Variants in CHEK1 observed in about 807,000 individuals in gnomAD.
CHEK1 encodes the protein checkpoint kinase 1.
In CHEK1, 32 loss-of-function variants were observed where a neutral mutation model predicts 60.2. The observed-to-expected ratio is 0.53, with a 90% CI of 0.40 to 0.71. The LOEUF is 0.71. Ranked by LOEUF, CHEK1 falls within the 30% of genes least tolerant of loss-of-function variation. The pLI, the probability that CHEK1 is intolerant of heterozygous loss-of-function variation, is 0.00. For missense variants in CHEK1, 399 were observed against 564.6 expected, an observed-to-expected ratio of 0.71 and a Z score of 2.97; for synonymous variants, 179 against 187.2, an observed-to-expected ratio of 0.96 and a Z score of 0.36.
At chr11:125,673,956 C>T (rs1442244655) in intron 13 of CHEK1, among the ~76,000 whole-genome samples, 3 of 152,096 alleles carry the variant, frequency 2.0e-5, no homozygotes, top group Non-Finnish European at 4.4e-5. Context: ...GCCAGGAGTT[C>T]AAGACCAGCC....
chr11:125,657,894 A>T (rs7940584), downstream of CHEK1, among the ~76,000 whole-genome samples: 29,898 of 150,364 alleles, frequency 0.2, 3,153 homozygotes, highest in African/African-American at 0.27. Context: ...ACTGTTTTCT[A>T]AAGTGATTGT....
At chr11:125,650,544 C>T (rs1941686404) in intron 11 of CHEK1, among the ~76,000 whole-genome samples, 1 of 150,476 alleles carries the variant, frequency 6.6e-6, no homozygotes, top group Non-Finnish European at 1.5e-5. Flanking sequence ...GCAGCCTCCA[C>T]CTCCTGGCTT....
chr11:125,663,870 C>G (rs1942056285), intron 13 of CHEK1, among the ~76,000 whole-genome samples: 1 of 152,266 alleles, frequency 6.6e-6, no homozygotes, highest in Middle Eastern at 3.4e-3. Context: ...CAGTTTCAGT[C>G]TTCTGCATAT....
intron 6 of CHEK1, among the ~76,000 whole-genome samples, chr11:125,633,997 G>GGTTT (rs1255189992): frequency 1.2e-4 from 4 of 34,320 alleles, no homozygotes; most frequent in Non-Finnish European, 2.0e-4. Context: ...GCTCTATTGT[G>GGTTT]GTTTTTTTTT....
chr11:125,644,738 G>T, intron 11 of CHEK1, 95 bp downstream of exon 11: 5 of 1,367,112 alleles, frequency 3.7e-6, no homozygotes, highest in Non-Finnish European at 5.0e-6. Flanking sequence ...AATATAGGCT[G>T]TGGCTCACAC....
At chr11:125,655,143 A>G (rs1042849081) in intron 12 of CHEK1, 82 bp from the exon 13 acceptor site, 50 of 999,496 alleles carry the variant, frequency 5.0e-5, no homozygotes, top group Middle Eastern at 4.8e-4. Context: ...TCTTGTTACC[A>G]CTACAAAGAG....
At chr11:125,637,060 G>A (rs1240760906) in intron 7 of CHEK1, among the ~76,000 whole-genome samples, 1 of 152,116 alleles carries the variant, frequency 6.6e-6, no homozygotes, top group Non-Finnish European at 1.5e-5. Flanking sequence ...AAAGTTATTG[G>A]TAAGTAAATG....
At chr11:125,677,700 T>C (rs529481042), downstream of CHEK1, 1 of 1,502,498 alleles carries the variant, frequency 6.7e-7, no homozygotes, top group South Asian at 1.3e-5. Context: ...TTAACAATTC[T>C]TTCTTCTGCA....
downstream of CHEK1, among the ~76,000 whole-genome samples, chr11:125,661,360 A>G (rs1591427233): frequency 6.6e-6 from 1 of 151,680 alleles, no homozygotes; most frequent in South Asian, 2.1e-4. Context: ...CACCCAGGCT[A>G]GAGTGCAGTG....
In CHEK1 at chr11:125,640,652, C is replaced by CTA. The variant is rs1941266212; in HGVS notation, c.814+3109_814+3110insAT. ...TGGCGTGGTCTCCACTTACTGAAAC[C>CTA]TCTACCTCCTGAGCTTAAATGATCC... On this transcript the variant is annotated intron_variant, in intron 8 of 12. Coordinates refer to ENST00000438015, the MANE Select transcript of CHEK1 (RefSeq NM_001114122.3). Among the ~76,000 whole-genome samples, 13 of 152,116 alleles carry CTA rather than the reference C, an allele frequency of 8.5e-5. 1 individual carries two copies. The South Asian group carries it at 2.7e-3, about 32-fold the overall frequency.
intron 11 of CHEK1, 99 bp downstream of exon 11, chr11:125,644,742 C>A (rs2136030628): frequency 1.5e-6 from 2 of 1,336,012 alleles, no homozygotes; most frequent in Non-Finnish European, 2.0e-6. Context: ...TAGGCTGTGG[C>A]TCACACCTGT....
chr11:125,674,961 T>C (rs1942418592), intron 13 of CHEK1, among the ~76,000 whole-genome samples: 1 of 152,242 alleles, frequency 6.6e-6, no homozygotes, highest in Non-Finnish European at 1.5e-5. Context: ...TGCACTTTTC[T>C]GACTTTTGCT....
intron 11 of CHEK1, 25 bp downstream of exon 11, chr11:125,644,668 A>G (rs1171122227): frequency 8.1e-6 from 13 of 1,602,894 alleles, no homozygotes; most frequent in Non-Finnish European, 1.1e-5. Context: ...TTTTCATTAT[A>G]CCTTTTCCTG....
downstream of CHEK1, among the ~76,000 whole-genome samples, chr11:125,679,097 A>G (rs1942669745): frequency 6.7e-6 from 1 of 149,036 alleles, no homozygotes; most frequent in Non-Finnish European, 1.5e-5. Context: ...TGTGAAGTGC[A>G]CCATTGCCTA....
intron 8 of CHEK1, among the ~76,000 whole-genome samples, chr11:125,637,868 G>T (rs1308752608): frequency 6.6e-6 from 1 of 152,200 alleles, no homozygotes; most frequent in East Asian, 1.9e-4. Context: ...TCTGAACAGG[G>T]GAAGCAGTAT....
downstream of CHEK1, among the ~76,000 whole-genome samples, chr11:125,676,842 C>G (rs1055501436): frequency 1.3e-5 from 2 of 152,182 alleles, no homozygotes; most frequent in Non-Finnish European, 2.9e-5. Flanking sequence ...CCATCATACT[C>G]TCACCCACAA....
intron 13 of CHEK1, chr11:125,672,406 A>G (rs1379804524): frequency 1.6e-6 from 1 of 642,534 alleles, no homozygotes; most frequent in Non-Finnish European, 2.6e-6. Flanking sequence ...CAGGGAAGAC[A>G]GGACAGAGAA....
Position 125,671,194 on chromosome 11 carries a change from C to T in CHEK1, c.*28-4734C>T. Among the ~76,000 whole-genome samples the T allele has an allele frequency of 1.3e-5, 2 of 152,076 alleles. 1 individual carries two copies. Among genetic ancestry groups the T allele is most frequent in the Admixed American group, 1.3e-4 (2 of 15,258 alleles). ...AAGTGTGAGCCATCATGCCTGGCTC[C>T]TTAAATTTTAACAACATATTTGAAC... On this transcript the variant is annotated intron_variant, in intron 13 of 13. Coordinates refer to the CHEK1 transcript ENST00000428830.
intron 13 of CHEK1, chr11:125,672,552 C>G (rs2134101066): frequency 6.2e-7 from 1 of 1,609,420 alleles, no homozygotes; most frequent in East Asian, 2.2e-5. Context: ...GTGATGGAGG[C>G]TTTTTACTGC....
Sources: gnomAD v4.1 joint callset for allele counts (sites outside exome capture counted in the v4.1 genomes callset) on GRCh38, gnomAD v4.1.1 for gene constraint, MANE v1.5 for transcripts, NCBI Gene and HGNC (gene_info 2026-07-23, HGNC 2026-07-21) for gene names.